Variants in ULK4 observed in about 807,000 individuals in gnomAD.
ULK4 encodes the protein inactive serine/threonine-protein kinase ULK4.
In ULK4, 133 loss-of-function variants were observed where a neutral mutation model predicts 160.6. That is an observed-to-expected ratio of 0.83 (90% CI 0.72 to 0.96). The LOEUF (loss-of-function observed/expected upper bound fraction) is 0.96, where lower values mean the gene tolerates loss of function less well. ULK4 is among the 40% of genes least tolerant of loss of function. The pLI is 0.00. For synonymous variants in ULK4, 534 were observed against 539.8 expected (o/e 0.99, Z 0.15); for missense variants, 1,580 against 1,499.5 (o/e 1.05, Z -0.89).
At chr3:41,695,454 A>C (rs2036459589) in intron 27 of ULK4, among the ~76,000 whole-genome samples, 1 of 152,212 alleles carries the variant, frequency 6.6e-6, no homozygotes, top group Non-Finnish European at 1.5e-5. Flanking sequence ...GAGTAGTAAC[A>C]AACTGAGGAA....
At chr3:41,465,422 G>A (rs73828049) in intron 32 of ULK4, among the ~76,000 whole-genome samples, 2,423 of 152,116 alleles carry the variant, frequency 0.016, 58 homozygotes, top group African/African-American at 0.051. Flanking sequence ...CAATACCATT[G>A]CCACTTTTAA....
chr3:41,688,050 C>T (rs2036156723), intron 27 of ULK4: 1 of 152,320 alleles, frequency 6.6e-6, no homozygotes, highest in African/African-American at 2.4e-5. Context: ...GCCTTCAAGA[C>T]TTACGTCAAG....
intron 35 of ULK4, among the ~76,000 whole-genome samples, chr3:41,301,595 T>C (rs2079799939): frequency 6.6e-6 from 1 of 152,218 alleles, no homozygotes; most frequent in South Asian, 2.1e-4. Flanking sequence ...CGTGCTACGT[T>C]TAGAGTATTA....
intron 19 of ULK4, among the ~76,000 whole-genome samples, chr3:41,818,801 C>T (rs529755372): frequency 1.1e-4 from 16 of 152,306 alleles, no homozygotes; most frequent in African/African-American, 1.2e-4. Context: ...AATGATTTAA[C>T]GCAAATGGAA....
intron 11 of ULK4, among the ~76,000 whole-genome samples, chr3:41,910,557 C>T (rs1268233388): frequency 6.6e-6 from 1 of 151,698 alleles, no homozygotes; most frequent in African/African-American, 2.4e-5. Context: ...GATCGCACCA[C>T]TGCACTCTAG....
intron 31 of ULK4, among the ~76,000 whole-genome samples, chr3:41,589,941 G>C (rs2031151847): frequency 6.6e-6 from 1 of 151,352 alleles, no homozygotes; most frequent in African/African-American, 2.4e-5. Flanking sequence ...ATAAGCTCAA[G>C]AGTGCAGAGG....
At chr3:41,736,042 T>TA (rs2125872971) in intron 22 of ULK4, among the ~76,000 whole-genome samples, 1 of 151,864 alleles carries the variant, frequency 6.6e-6, no homozygotes, top group African/African-American at 2.4e-5. Flanking sequence ...TATGGCTGTA[T>TA]AGTATTCCAT....
chr3:41,915,913 T>C (rs1207159723), intron 8 of ULK4, 64 bp downstream of exon 8: 2 of 1,089,874 alleles, frequency 1.8e-6, no homozygotes, highest in African/African-American at 3.1e-5. Context: ...ATTAAAATAC[T>C]GCCCCTTACT....
Position 41,900,736 on chromosome 3 carries a change from C to T in ULK4, c.1276G>A (p.Asp426Asn). The stretch of plus-strand genomic sequence containing the variant: ...GTGTCTTTCTGCACCTTTGGATTGT[C>T]GATAATGGGGGTGACAACAAGATCT... ...DSDLVVTPII[D>N]NPKIMKQPPV... Residue 426 changes from aspartate (D) to asparagine (N), a missense_variant, in exon 13 of 37, where the codon GAC becomes AAC. By Grantham distance (23) the Asp-to-Asn change is conservative. Transcript: ENST00000301831. 2 of 1,613,184 alleles carry T rather than the reference C, an allele frequency of 1.2e-6. No homozygotes were observed. The highest frequency in any genetic ancestry group is 1.7e-6 in the Non-Finnish European group (2 of 1,179,524).
chr3:41,848,014 G>A (rs1007238027), intron 17 of ULK4, among the ~76,000 whole-genome samples: 1 of 152,114 alleles, frequency 6.6e-6, no homozygotes, highest in African/African-American at 2.4e-5. Flanking sequence ...GAAGATCTCT[G>A]GTGACATCTG....
At chr3:41,960,857 GACACCCTTCTAATC>G (rs1194731769) in intron 1 of ULK4, among the ~76,000 whole-genome samples, 1 of 151,982 alleles carries the variant, frequency 6.6e-6, no homozygotes, top group Admixed American at 6.6e-5. Context: ...ACTAAAGAGG[GACACCCTTCTAATC>G]ACCACCCAAA....
At chr3:41,381,332 A>C (rs2081647529) in intron 35 of ULK4, among the ~76,000 whole-genome samples, 1 of 152,228 alleles carries the variant, frequency 6.6e-6, no homozygotes, top group African/African-American at 2.4e-5. Context: ...TCCACATTCA[A>C]GCATTCCACA....
At chr3:41,663,732 G>T (rs758912149) in intron 29 of ULK4, 33 bp from the exon 30 acceptor site, 1 of 1,570,306 alleles carries the variant, frequency 6.4e-7, no homozygotes, top group South Asian at 1.1e-5. Flanking sequence ...AAAATACTCA[G>T]TAGGAAAAAT....
At chr3:41,632,048 T>A (rs2033769654) in intron 30 of ULK4, among the ~76,000 whole-genome samples, 1 of 152,200 alleles carries the variant, frequency 6.6e-6, no homozygotes, top group South Asian at 2.1e-4. Context: ...ATTCTTTGAA[T>A]CTTTGGCATT....
At chr3:41,566,162 T>C (rs2087775773) in intron 31 of ULK4, 32 bp from the exon 32 acceptor site, 4 of 1,546,520 alleles carry the variant, frequency 2.6e-6, no homozygotes, top group African/African-American at 1.4e-5. Context: ...ATCATAACCA[T>C]ACAGAAATAC....
rs114040498 is a variant in ULK4, at chr3:41,382,502, T to G, written c.3678+15577A>C. On this transcript the variant is annotated intron_variant, in intron 35 of 36. Coordinates refer to ENST00000301831, the MANE Select transcript of ULK4 (RefSeq NM_017886.4). ...TGAAACCTGTTGTCATTATTTACCATAATTGTTATTGCCAGTTTAAATGAA... is the reference window on the plus strand; with the variant it reads ...TGAAACCTGTTGTCATTATTTACCAGAATTGTTATTGCCAGTTTAAATGAA... Among the ~76,000 whole-genome samples, 634 of 152,332 alleles carry G rather than the reference T, an allele frequency of 4.2e-3. 2 individuals carry two copies. The highest frequency in any genetic ancestry group is 0.015 in the African/African-American group (606 of 41,578).
chr3:41,850,399 A>G (rs540909703), intron 17 of ULK4, among the ~76,000 whole-genome samples: 4 of 152,190 alleles, frequency 2.6e-5, no homozygotes, highest in Admixed American at 2.6e-4. Flanking sequence ...TGACTTCCAC[A>G]ATGGTTGAAC....
chr3:41,626,687 G>T (rs1158990678), intron 30 of ULK4, among the ~76,000 whole-genome samples: 1 of 152,062 alleles, frequency 6.6e-6, no homozygotes, highest in African/African-American at 2.4e-5. Flanking sequence ...ACCATGTCCG[G>T]CTAATTTTTT....
intron 35 of ULK4, among the ~76,000 whole-genome samples, chr3:41,353,856 T>A (rs116837984): frequency 8.3e-4 from 126 of 152,180 alleles, no homozygotes; most frequent in African/African-American, 2.9e-3. Context: ...AACAGATGCC[T>A]CACCATCCCT....
Sources: gnomAD v4.1 joint callset for allele counts (sites outside exome capture counted in the v4.1 genomes callset) on GRCh38, gnomAD v4.1.1 for gene constraint, MANE v1.5 for transcripts, NCBI Gene and HGNC (gene_info 2026-07-23, HGNC 2026-07-21) for gene names.